The following DNM3 variants were observed in gnomAD, a reference collection of about 807,000 sequenced individuals.
DNM3 encodes dynamin-3.
DNM3 carries 47 observed loss-of-function variants against 101.6 expected under a neutral mutation model. The observed-to-expected ratio is 0.46, with a 90% CI of 0.37 to 0.59. DNM3 has a LOEUF of 0.59. Ranked by LOEUF, DNM3 falls within the 20% of genes least tolerant of loss-of-function variation. The probability of loss-of-function intolerance (pLI) is 0.00; values close to 1 mark genes in which losing one functional copy is unlikely to be tolerated. For missense variants in DNM3, 849 were observed against 1,085.7 expected (o/e 0.78, Z 3.06); for synonymous variants, 385 against 387.9 (o/e 0.99, Z 0.09).
chr1:171,941,085 G>C (rs529143774), intron 2 of DNM3, among the ~76,000 whole-genome samples: 1 of 152,100 alleles, frequency 6.6e-6, no homozygotes, highest in African/African-American at 2.4e-5. Context: ...AACTCATGAA[G>C]AACACATACT....
At chr1:172,128,642 T>C (rs1304289988) in intron 13 of DNM3, among the ~76,000 whole-genome samples, 2 of 152,210 alleles carry the variant, frequency 1.3e-5, no homozygotes, top group Non-Finnish European at 1.5e-5. Context: ...TTGTATTAAG[T>C]TTTCAAAATT....
intron 4 of DNM3, among the ~76,000 whole-genome samples, chr1:171,995,729 T>C (rs1179591364): frequency 2.0e-5 from 3 of 152,198 alleles, no homozygotes; most frequent in African/African-American, 7.2e-5. Flanking sequence ...AAGTGGCCTG[T>C]TCTCACCACT....
chr1:171,917,618 C>T (rs1396779721), intron 1 of DNM3, among the ~76,000 whole-genome samples: 1 of 152,174 alleles, frequency 6.6e-6, no homozygotes, highest in Non-Finnish European at 1.5e-5. Context: ...GAAGCACTCT[C>T]TCTGACTGAA....
chr1:171,894,210 G>T (rs1472282795), intron 1 of DNM3, among the ~76,000 whole-genome samples: 1 of 151,940 alleles, frequency 6.6e-6, no homozygotes, highest in East Asian at 1.9e-4. Flanking sequence ...CGCCCACCTT[G>T]GCCTCCCAAA....
At position 171,937,575 on chromosome 1, in the gene DNM3, T is replaced by C. The variant is rs565003832; in HGVS notation, c.235+15754T>C. ...GGCCCAGAGACCTGCTTTATTTACT[T>C]ATTTATTTATTTGAGACACGGTCTC... On this transcript the variant is annotated intron_variant, in intron 2 of 20. Coordinates refer to ENST00000627582, the MANE Select transcript of DNM3 (RefSeq NM_015569.5). 2.2e-4 allele frequency among the ~76,000 whole-genome samples: 34 copies of C among 152,178 alleles called. No homozygotes were observed. In the South Asian group the frequency reaches 6.9e-3, roughly 31 times the overall value.
At chr1:171,964,704 T>C (rs1018665568) in intron 2 of DNM3, among the ~76,000 whole-genome samples, 1 of 152,200 alleles carries the variant, frequency 6.6e-6, no homozygotes, top group Non-Finnish European at 1.5e-5. Flanking sequence ...TGATTCATGG[T>C]ATTCTACCAA....
chr1:172,313,955 C>T (rs1471950149), intron 16 of DNM3, among the ~76,000 whole-genome samples: 9 of 145,192 alleles, frequency 6.2e-5, no homozygotes, highest in Non-Finnish European at 1.1e-4. Flanking sequence ...TAGCCCCCTA[C>T]CCCCCGACAG....
intron 1 of DNM3, chr1:171,864,142 CA>C (rs1332371158): frequency 1.3e-5 from 2 of 152,158 alleles, no homozygotes; most frequent in Non-Finnish European, 2.9e-5. Context: ...AGTACTTAAG[CA>C]AAGATTTGCA....
Position 172,253,807 on chromosome 1 carries a change from T to C in DNM3, c.1769+125T>C, listed in dbSNP as rs554477507. ...AAATTTGTCTGCTCTTCAGTTTTCC[T>C]TTCATTTATTTTGTATTTTTAAATT... On this transcript the variant is annotated intron_variant, in intron 15 of 20. Transcript: ENST00000627582. 3.6e-5 allele frequency: 18 copies of C among 501,942 alleles called. No homozygotes were observed. In the South Asian group the frequency reaches 1.1e-3, roughly 32 times the overall value. The allele number at this position is 501,942 out of a possible 1,614,324, so 31.1% of individuals were successfully genotyped here. A position where few individuals can be genotyped will look rare whatever the true frequency, so the allele number is the denominator to read the frequency against.
At chr1:172,036,140 A>T (rs1572192072) in intron 6 of DNM3, among the ~76,000 whole-genome samples, 1 of 141,592 alleles carries the variant, frequency 7.1e-6, no homozygotes, top group Non-Finnish European at 1.5e-5. Context: ...TATCTCCTAA[A>T]GCTATCCCTC....
intron 9 of DNM3, among the ~76,000 whole-genome samples, chr1:172,047,516 G>T (rs756963367): frequency 1.8e-4 from 28 of 152,158 alleles, no homozygotes; most frequent in Non-Finnish European, 3.7e-4. Context: ...GAAACATAGG[G>T]TACGTGAAAG....
At chr1:171,857,166 G>T (rs1040517) in intron 1 of DNM3, among the ~76,000 whole-genome samples, 113,433 of 152,064 alleles carry the variant, frequency 0.75, 43,010 homozygotes, top group African/African-American at 0.9. Context: ...ATTTGTAAGA[G>T]ACATTGCAGT....
chr1:171,917,704 G>T (rs1403126754), intron 1 of DNM3, among the ~76,000 whole-genome samples: 1 of 152,012 alleles, frequency 6.6e-6, no homozygotes, highest in Non-Finnish European at 1.5e-5. Context: ...GAGTCTTCAG[G>T]TTACTTTTTG....
chr1:172,021,034 A>C (rs572449399), intron 4 of DNM3, among the ~76,000 whole-genome samples: 1 of 152,272 alleles, frequency 6.6e-6, no homozygotes, highest in South Asian at 2.1e-4. Context: ...GGGAACAGCT[A>C]ATTGTCTGTG....
intron 14 of DNM3, among the ~76,000 whole-genome samples, chr1:172,211,974 A>T (rs1222343554): frequency 6.6e-6 from 1 of 152,114 alleles, no homozygotes; most frequent in Non-Finnish European, 1.5e-5. Flanking sequence ...TTACATAATC[A>T]AGATCAAATT....
chr1:172,411,382 G>T lies in DNM3; in HGVS notation c.*3541G>T, dbSNP rs1273572121. ...CACAAGAAGATCTGAATCTAAGAAG[G>T]AATTACCTTTGACAATATTTTTCGG... On this transcript the variant is annotated 3_prime_UTR_variant, in exon 21 of 21. Coordinates refer to ENST00000627582, the MANE Select transcript of DNM3 (RefSeq NM_015569.5). 1.0e-6 allele frequency: 1 copy of T among 984,814 alleles called. No individual in the cohort carries two copies. Among genetic ancestry groups the T allele is most frequent in the Non-Finnish European group, 1.2e-6 (1 of 829,674 alleles). The allele number at this position is 984,814 out of a possible 1,614,324, so 61.0% of individuals were successfully genotyped here.
At position 172,014,506 on chromosome 1, in the gene DNM3, G is replaced by A. The variant is rs187462070; in HGVS notation, c.590-17896G>A. Among the ~76,000 whole-genome samples the A allele has an allele frequency of 5.9e-4, 90 of 152,134 alleles. 2 individuals are homozygous for A. Among genetic ancestry groups the A allele is most frequent in the Admixed American group, 1.7e-3 (26 of 15,280 alleles). On this transcript the variant is annotated intron_variant, in intron 4 of 20. Transcript: ENST00000627582. ...TTAGCCATTCTAATAGGTGTGTAGTGGCATTTCATTGTTGTTTGAAGTTGC... is the reference window on the plus strand; with the variant it reads ...TTAGCCATTCTAATAGGTGTGTAGTAGCATTTCATTGTTGTTTGAAGTTGC...
chr1:171,972,587 T>C (rs1255307864), intron 2 of DNM3, among the ~76,000 whole-genome samples: 1 of 152,204 alleles, frequency 6.6e-6, no homozygotes, highest in Non-Finnish European at 1.5e-5. Flanking sequence ...CAGTGGCTTA[T>C]GCCTGTAATC....
chr1:172,400,486 G>T (rs1271080045), intron 20 of DNM3, among the ~76,000 whole-genome samples: 1 of 151,984 alleles, frequency 6.6e-6, no homozygotes, highest in Non-Finnish European at 1.5e-5. Flanking sequence ...AAGGAGGAAA[G>T]GAAGGAGCAA....
Sources: gnomAD v4.1 joint callset for allele counts (sites outside exome capture counted in the v4.1 genomes callset) on GRCh38, gnomAD v4.1.1 for gene constraint, MANE v1.5 for transcripts, NCBI Gene and HGNC (gene_info 2026-07-23, HGNC 2026-07-21) for gene names.